Variants in KSR2 observed in about 807,000 individuals in gnomAD.
KSR2 encodes the protein kinase suppressor of ras 2.
In KSR2, 25 loss-of-function variants were observed where a neutral mutation model predicts 107.8. The observed-to-expected ratio is 0.23, with a 90% CI of 0.17 to 0.32. The LOEUF (loss-of-function observed/expected upper bound fraction) is 0.32, where lower values mean the gene tolerates loss of function less well. Among genes scored for constraint, KSR2 ranks in the 10% least tolerant of loss-of-function variants. The probability of loss-of-function intolerance (pLI) is 1.00; values close to 1 mark genes in which losing one functional copy is unlikely to be tolerated. For synonymous variants in KSR2, 480 were observed against 507.0 expected (o/e 0.95, Z 0.71); for missense variants, 887 against 1,268.9 (o/e 0.70, Z 4.57).
rs1246552476 is a variant in KSR2, at chr12:117,683,236, TTGCCTAGAA to T, written c.987-15587_987-15579del. On this transcript the variant is annotated intron_variant, in intron 4 of 19. Transcript: ENST00000339824. ...TAGTATATGACATATACTATTTTTTTTGCCTAGAATGTTTTCTTTTTATTTTTGTCAAAG... is the reference window on the plus strand; with the variant it reads ...TAGTATATGACATATACTATTTTTTTTGTTTTCTTTTTATTTTTGTCAAAG... Among the ~76,000 whole-genome samples the T allele has an allele frequency of 5.3e-5, 8 of 152,176 alleles. No individual in the cohort carries two copies. In the East Asian group the frequency reaches 1.5e-3, roughly 29 times the overall value.
chr12:117,497,924 C>T (rs1354438606), intron 14 of KSR2, among the ~76,000 whole-genome samples: 1 of 152,186 alleles, frequency 6.6e-6, no homozygotes, highest in East Asian at 1.9e-4. Context: ...CTTTAATGCC[C>T]ACTACTCAGC....
chr12:117,748,608 A>G (rs1482246332), intron 4 of KSR2, among the ~76,000 whole-genome samples: 1 of 152,232 alleles, frequency 6.6e-6, no homozygotes, highest in Non-Finnish European at 1.5e-5. Flanking sequence ...AAAAATACCA[A>G]TAAATGATGC....
chr12:117,863,427 T>C (rs539357300), intron 1 of KSR2, among the ~76,000 whole-genome samples: 6 of 152,184 alleles, frequency 3.9e-5, no homozygotes, highest in Non-Finnish European at 8.8e-5. Flanking sequence ...ACACCCATCA[T>C]CTGAGCCCCA....
chr12:117,575,437 T>C (rs1319179591), intron 7 of KSR2, among the ~76,000 whole-genome samples: 1 of 152,216 alleles, frequency 6.6e-6, no homozygotes, highest in Admixed American at 6.5e-5. Flanking sequence ...GTAAACTCCT[T>C]GACAGTGGGG....
At chr12:117,624,128 C>A (rs955775070) in intron 5 of KSR2, among the ~76,000 whole-genome samples, 1 of 152,098 alleles carries the variant, frequency 6.6e-6, no homozygotes, top group Non-Finnish European at 1.5e-5. Flanking sequence ...GATATTAGCC[C>A]TTTGTCAGAT....
At chr12:117,714,634 C>G (rs562964783) in intron 4 of KSR2, among the ~76,000 whole-genome samples, 11 of 152,322 alleles carry the variant, frequency 7.2e-5, no homozygotes, top group African/African-American at 2.2e-4. Flanking sequence ...GGATTTGAAT[C>G]CAGTCTCTCT....
chr12:117,537,797 C>T (rs927675424), intron 10 of KSR2, among the ~76,000 whole-genome samples: 1 of 152,210 alleles, frequency 6.6e-6, no homozygotes, highest in African/African-American at 2.4e-5. Flanking sequence ...AATTGTCAGG[C>T]ACCCCTTCTT....
At chr12:117,620,930 C>T (rs1003921977) in intron 5 of KSR2, among the ~76,000 whole-genome samples, 3 of 152,134 alleles carry the variant, frequency 2.0e-5, no homozygotes, top group African/African-American at 7.2e-5. Flanking sequence ...TAGTAAGCCC[C>T]TTCCATCTGT....
intron 19 of KSR2, among the ~76,000 whole-genome samples, 167 bp from the exon 20 acceptor site, chr12:117,467,372 A>G (rs1168767006): frequency 2.0e-5 from 3 of 152,240 alleles, no homozygotes; most frequent in Admixed American, 6.5e-5. Flanking sequence ...TTCTTACTAT[A>G]TGCTGGGCTC....
At position 117,968,429 on chromosome 12, in the gene KSR2, G is replaced by A. The variant is rs1896864409; in HGVS notation, c.-174C>T. 1 of 1,324,334 alleles carries A rather than the reference G, an allele frequency of 7.6e-7. No homozygotes were observed. Among genetic ancestry groups the A allele is most frequent in the Non-Finnish European group, 9.6e-7 (1 of 1,044,732 alleles). 82.0% of individuals were successfully genotyped at this position (1,324,334 alleles called of 1,614,324 possible). Reference sequence around the variant, plus strand: ...TTGAGGGGGTGGGAGTGGGAGGAGGGGACAAGAGCCAAAATTTATTATTTT... The same window carrying A: ...TTGAGGGGGTGGGAGTGGGAGGAGGAGACAAGAGCCAAAATTTATTATTTT... On this transcript the variant is annotated 5_prime_UTR_variant, in exon 1 of 20. Transcript: ENST00000339824.
chr12:117,702,932 A>G (rs1281336603), intron 4 of KSR2, among the ~76,000 whole-genome samples: 2 of 152,178 alleles, frequency 1.3e-5, no homozygotes, highest in East Asian at 3.9e-4. Flanking sequence ...AACTGACTGG[A>G]GTGGAAGCCA....
At chr12:117,760,337 C>T (rs1342582698) in intron 4 of KSR2, among the ~76,000 whole-genome samples, 1 of 152,222 alleles carries the variant, frequency 6.6e-6, no homozygotes, top group South Asian at 2.1e-4. Flanking sequence ...CTGCTTCCTA[C>T]CACCTTCAAC....
chr12:117,501,065 T>A (rs1193629907), intron 14 of KSR2, among the ~76,000 whole-genome samples: 1 of 152,250 alleles, frequency 6.6e-6, no homozygotes, highest in Non-Finnish European at 1.5e-5. Context: ...AAGCCTGTTT[T>A]TTGCATGACC....
At chr12:117,922,583 G>A (rs1464251357) in intron 1 of KSR2, among the ~76,000 whole-genome samples, 2 of 152,180 alleles carry the variant, frequency 1.3e-5, no homozygotes, top group African/African-American at 4.8e-5. Flanking sequence ...TGATGACTCA[G>A]TAGATTTGAC....
intron 9 of KSR2, among the ~76,000 whole-genome samples, chr12:117,544,222 T>C (rs908058703): frequency 2.0e-5 from 3 of 152,208 alleles, no homozygotes; most frequent in Non-Finnish European, 2.9e-5. Flanking sequence ...GCCCTATACA[T>C]GTTTTATCAG....
intron 13 of KSR2, among the ~76,000 whole-genome samples, chr12:117,525,701 G>C (rs766018878): frequency 6.6e-6 from 1 of 152,208 alleles, no homozygotes; most frequent in Non-Finnish European, 1.5e-5. Flanking sequence ...TGACAGGCTA[G>C]ACAGGCTAAA....
In KSR2 at chr12:117,777,578, G is replaced by A. The variant is rs1192142980; in HGVS notation, c.473-16054C>T. 3.9e-5 allele frequency among the ~76,000 whole-genome samples: 6 copies of A among 152,170 alleles called. 1 individual carries two copies. The highest frequency in any genetic ancestry group is 1.3e-4 in the Admixed American group (2 of 15,282). On this transcript the variant is annotated intron_variant, in intron 3 of 19. Coordinates refer to ENST00000339824, the MANE Select transcript of KSR2 (RefSeq NM_173598.6). ...AAGGGTTACAAATACATTTTAGCCC[G>A]TAGGCAAATTCACAAATACAGAATC...
intron 3 of KSR2, among the ~76,000 whole-genome samples, chr12:117,846,710 G>T (rs372218642): frequency 6.6e-6 from 1 of 152,250 alleles, no homozygotes; most frequent in Non-Finnish European, 1.5e-5. Context: ...TATTGCAATA[G>T]GGCAGCTGCT....
intron 4 of KSR2, among the ~76,000 whole-genome samples, chr12:117,699,280 A>T (rs760506729): frequency 1.3e-5 from 2 of 152,210 alleles, no homozygotes; most frequent in Admixed American, 6.5e-5. Context: ...TGGCAGAGAG[A>T]ATTATGGTTA....
Sources: gnomAD v4.1 joint callset for allele counts (sites outside exome capture counted in the v4.1 genomes callset) on GRCh38, gnomAD v4.1.1 for gene constraint, MANE v1.5 for transcripts, NCBI Gene and HGNC (gene_info 2026-07-23, HGNC 2026-07-21) for gene names.